Variants in TTC39A observed in about 807,000 individuals in gnomAD.
TTC39A encodes tetratricopeptide repeat domain 39A.
TTC39A carries 46 observed loss-of-function variants against 82.3 expected under a neutral mutation model. That is an observed-to-expected ratio of 0.56 (90% CI 0.44 to 0.71). The LOEUF is 0.71. Among genes scored for constraint, TTC39A ranks in the 30% least tolerant of loss-of-function variants. TTC39A has a pLI of 0.00. For missense variants in TTC39A, 543 were observed against 712.9 expected (o/e 0.76, Z 2.71); for synonymous variants, 254 against 275.2 (o/e 0.92, Z 0.76).
At chr1:51,333,039 C>T (rs1645931909), upstream of TTC39A, among the ~76,000 whole-genome samples, 2 of 151,826 alleles carry the variant, frequency 1.3e-5, no homozygotes, top group South Asian at 4.2e-4. Flanking sequence ...ATGGAGAAAC[C>T]CCATCTCTAC....
intron 11 of TTC39A, 181 bp downstream of exon 11, chr1:51,302,176 T>C (rs757679554): frequency 1.2e-6 from 1 of 804,002 alleles, no homozygotes; most frequent in South Asian, 1.4e-5. Flanking sequence ...TCCTCCCTTG[T>C]CTTCCCAGGC....
At chr1:51,331,103 G>A, upstream of TTC39A, 1 of 1,215,322 alleles carries the variant, frequency 8.2e-7, no homozygotes, top group Non-Finnish European at 1.2e-6. Flanking sequence ...CTATTTTACA[G>A]ATGGGGAAAC....
At chr1:51,303,610 A>C (rs1644764727) in intron 8 of TTC39A, among the ~76,000 whole-genome samples, 1 of 152,190 alleles carries the variant, frequency 6.6e-6, no homozygotes, top group Non-Finnish European at 1.5e-5. Flanking sequence ...AGAAGCCTCC[A>C]GAGCCTGGCT....
chr1:51,303,304 C>T (rs1644748677), intron 8 of TTC39A, 112 bp from the exon 9 acceptor site: 1 of 898,502 alleles, frequency 1.1e-6, no homozygotes. Flanking sequence ...GCACTGGAAC[C>T]CTGGGGGCCA....
At chr1:51,303,511 G>A (rs1186349956) in intron 8 of TTC39A, among the ~76,000 whole-genome samples, 1 of 152,202 alleles carries the variant, frequency 6.6e-6, no homozygotes, top group Non-Finnish European at 1.5e-5. Flanking sequence ...AGGGCCCAAG[G>A]TCTGGTTGGG....
At chr1:51,334,598 T>C (rs1169673766), upstream of TTC39A, among the ~76,000 whole-genome samples, 1 of 149,994 alleles carries the variant, frequency 6.7e-6, no homozygotes, top group Non-Finnish European at 1.5e-5. Context: ...GAGGCTGCAG[T>C]GGGCCATGAT....
upstream of TTC39A, among the ~76,000 whole-genome samples, chr1:51,333,796 A>T (rs1033543059): frequency 1.3e-5 from 2 of 152,154 alleles, no homozygotes; most frequent in African/African-American, 2.4e-5. Flanking sequence ...GGTCCAGTTC[A>T]TCTCTGTGTC....
intron 1 of TTC39A, among the ~76,000 whole-genome samples, chr1:51,325,378 C>T (rs372053580): frequency 6.6e-6 from 1 of 152,278 alleles, no homozygotes; most frequent in East Asian, 1.9e-4. Flanking sequence ...TGATGTGGTC[C>T]CTGCCCCTCT....
intron 1 of TTC39A, among the ~76,000 whole-genome samples, chr1:51,323,069 C>CA (rs1645589100): frequency 6.6e-6 from 1 of 152,064 alleles, no homozygotes. Flanking sequence ...CTCCTGGGCT[C>CA]AAGTGATCCT....
intron 6 of TTC39A, among the ~76,000 whole-genome samples, chr1:51,306,472 AG>A (rs1644872718): frequency 1.3e-5 from 2 of 152,330 alleles, no homozygotes; most frequent in South Asian, 4.1e-4. Context: ...CCTGAGCACC[AG>A]ATGCCAGTAG....
rs2148095961 is a variant in TTC39A at position 51,289,274 on chromosome 1, AT to A, written c.1494-320del. 2.0e-5 allele frequency among the ~76,000 whole-genome samples: 3 copies of A among 152,274 alleles called. No individual in the cohort carries two copies. The South Asian group carries it at 6.2e-4, about 32-fold the overall frequency. On this transcript the variant is annotated intron_variant, in intron 16 of 17. Transcript: ENST00000680483. ...CCGACCTCCATGCTGTCCTGGAGATATCCTTTTAAACCCCAAGTCCTCCTTG... is the reference window on the plus strand; with the variant it reads ...CCGACCTCCATGCTGTCCTGGAGATACCTTTTAAACCCCAAGTCCTCCTTG...
intron 15 of TTC39A, 119 bp from the exon 16 acceptor site, chr1:51,290,238 T>C (rs1644152160): frequency 1.1e-6 from 1 of 893,570 alleles, no homozygotes; most frequent in Non-Finnish European, 1.7e-6. Flanking sequence ...ACAGTCCCTG[T>C]CCTCAGCAGG....
chr1:51,339,059 C>T (rs11205836), intron 1 of TTC39A, among the ~76,000 whole-genome samples: 42,419 of 152,112 alleles, frequency 0.28, 7,988 homozygotes, highest in African/African-American at 0.54. Context: ...TGAGGAAGGA[C>T]GTATCTTAGC....
intron 8 of TTC39A, among the ~76,000 whole-genome samples, chr1:51,304,222 T>C (rs1644787529): frequency 6.6e-6 from 1 of 152,222 alleles, no homozygotes; most frequent in East Asian, 1.9e-4. Context: ...ATGATTATGT[T>C]CTTATCATGC....
chr1:51,331,453 C>T, upstream of TTC39A: 1 of 1,399,070 alleles, frequency 7.1e-7, no homozygotes, highest in Non-Finnish European at 9.3e-7. Context: ...AGAGCTGTCC[C>T]TTCACAAAGG....
intron 1 of TTC39A, among the ~76,000 whole-genome samples, chr1:51,337,949 T>G (rs1386645315): frequency 6.6e-6 from 1 of 152,160 alleles, no homozygotes; most frequent in Non-Finnish European, 1.5e-5. Context: ...GCTCAAGTGA[T>G]CCTCCTGAGT....
At chr1:51,330,877 G>A (rs951633387), upstream of TTC39A, 3 of 570,822 alleles carry the variant, frequency 5.3e-6, no homozygotes, top group Admixed American at 3.0e-5. This position sits in a 1 kb window ranked among gnomAD's most constrained non-coding sequence, Gnocchi z 4.5. Flanking sequence ...CACAGCTTCC[G>A]CCCCGAAGCG....
At chr1:51,322,419 A>G (rs938061308) in intron 1 of TTC39A, among the ~76,000 whole-genome samples, 6 of 151,632 alleles carry the variant, frequency 4.0e-5, no homozygotes, top group Non-Finnish European at 7.4e-5. Flanking sequence ...AGCTTTTACC[A>G]CCCTCTGACG....
chr1:51,311,461 T>G, intron 4 of TTC39A, 140 bp from the exon 5 acceptor site: 2 of 704,274 alleles, frequency 2.8e-6, no homozygotes, highest in Non-Finnish European at 2.3e-6. Flanking sequence ...CGTCACCCAG[T>G]GCTTCAGAGC....
Sources: allele counts gnomAD v4.1 joint callset (sites outside exome capture counted in the v4.1 genomes callset), GRCh38; gene constraint gnomAD v4.1.1; non-coding constraint Gnocchi (gnomAD v3.1); transcripts MANE v1.5; gene names NCBI Gene and HGNC (gene_info 2026-07-23, HGNC 2026-07-21).